STPG4: variants seen among roughly 807,000 people sequenced by gnomAD.
STPG4 encodes the protein sperm-tail PG-rich repeat containing 4, also known as protein STPG4.
In STPG4, 41 loss-of-function variants were observed where a neutral mutation model predicts 31.5. The ratio of observed to expected loss-of-function variants is 1.30; its 90% confidence interval spans 1.01 to 1.69. The LOEUF is 1.69. Ranked by LOEUF, STPG4 falls within the 40% of genes most tolerant of loss-of-function variation. The pLI is 0.00. For synonymous variants in STPG4, 141 were observed against 103.0 expected (o/e 1.37, Z -2.24); for missense variants, 375 against 293.4 (o/e 1.28, Z -2.03).
At position 47,122,801 on chromosome 2, in the gene STPG4, T is replaced by TTTG. The variant is rs1553426773; in HGVS notation, c.519+7139_519+7140insCAA. ...AACAATTTTATATTTTATTTCTGTT[T>TTTG]TTTGTTTGTTTGTCTGTTTGTTTTG... On this transcript the variant is annotated intron_variant, in intron 5 of 6. Transcript: ENST00000445927. 5.3e-5 allele frequency among the ~76,000 whole-genome samples: 8 copies of TTTG among 151,724 alleles called. 1 individual carries two copies. The highest frequency in any genetic ancestry group is 1.7e-4 in the African/African-American group (7 of 41,228).
intron 3 of STPG4, among the ~76,000 whole-genome samples, chr2:47,138,696 C>T (rs192299773): frequency 2.6e-5 from 4 of 152,258 alleles, no homozygotes; most frequent in East Asian, 1.9e-4. Context: ...ATTACAGGAA[C>T]GTGCCACCAC....
At chr2:47,102,432 C>G (rs116068264) in intron 5 of STPG4, among the ~76,000 whole-genome samples, 3,525 of 151,910 alleles carry the variant, frequency 0.023, 83 homozygotes, top group Non-Finnish European at 0.038. Flanking sequence ...AGTATTCTCT[C>G]TCTGATGGGG....
intron 3 of STPG4, among the ~76,000 whole-genome samples, chr2:47,131,639 G>A (rs774028012): frequency 1.4e-4 from 21 of 152,302 alleles, no homozygotes; most frequent in Middle Eastern, 3.4e-3. Flanking sequence ...ATGGGGGTAG[G>A]AAGAGATTAA....
intron 5 of STPG4, among the ~76,000 whole-genome samples, chr2:47,115,864 G>A (rs887854359): frequency 6.6e-6 from 1 of 152,086 alleles, no homozygotes; most frequent in Non-Finnish European, 1.5e-5. Context: ...GTGTTCCCCA[G>A]GCTGGTCTTG....
At chr2:47,101,523 C>T (rs1284766991) in intron 5 of STPG4, among the ~76,000 whole-genome samples, 4 of 151,770 alleles carry the variant, frequency 2.6e-5, no homozygotes, top group Admixed American at 6.6e-5. Flanking sequence ...AGGTTAGTCC[C>T]GCTTCTAAAA....
At chr2:47,130,041 T>C (rs763018338) in intron 4 of STPG4, 46 bp from the exon 5 acceptor site, 2 of 1,488,332 alleles carry the variant, frequency 1.3e-6, no homozygotes, top group Admixed American at 1.9e-5. Flanking sequence ...AAATCTATTT[T>C]TTAAAGATCT....
At chr2:47,092,510 A>G (rs1685588227) in intron 5 of STPG4, among the ~76,000 whole-genome samples, 1 of 143,920 alleles carries the variant, frequency 6.9e-6, no homozygotes, top group African/African-American at 2.6e-5. Context: ...CCTGGGAAAC[A>G]GAATGAGACC....
chr2:47,119,405 A>G (rs1412141261), intron 5 of STPG4, among the ~76,000 whole-genome samples: 1 of 152,234 alleles, frequency 6.6e-6, no homozygotes, highest in Non-Finnish European at 1.5e-5. Flanking sequence ...CATAAAAGCA[A>G]TAGAACAATG....
At chr2:47,126,258 CCTCTTCTTT>C (rs970926704) in intron 5 of STPG4, among the ~76,000 whole-genome samples, 84 of 151,802 alleles carry the variant, frequency 5.5e-4, no homozygotes, top group African/African-American at 1.5e-3. Context: ...TTCTTTCCTT[CCTCTTCTTT>C]CTCTTCTTTC....
intron 5 of STPG4, among the ~76,000 whole-genome samples, chr2:47,097,185 A>C (rs1320035302): frequency 6.6e-6 from 1 of 152,206 alleles, no homozygotes; most frequent in African/African-American, 2.4e-5. Flanking sequence ...TGTTAAGACA[A>C]ATGAGATCAT....
chr2:47,121,712 G>C (rs1686274568), intron 5 of STPG4, among the ~76,000 whole-genome samples: 1 of 152,142 alleles, frequency 6.6e-6, no homozygotes, highest in African/African-American at 2.4e-5. Context: ...TATGTCAGCA[G>C]GGCCATGCTC....
intron 5 of STPG4, among the ~76,000 whole-genome samples, chr2:47,117,945 G>A (rs556775239): frequency 5.8e-4 from 86 of 147,236 alleles, no homozygotes; most frequent in Non-Finnish European, 1.0e-3. Flanking sequence ...TTTTTTAATA[G>A]AGATGAGGTC....
Position 47,151,367 on chromosome 2 carries a change from G to A in STPG4, c.290C>T (p.Pro97Leu), listed in dbSNP as rs570459449. Residue 97 changes from proline to leucine, a missense_variant, in exon 3 of 7, where the codon CCG (proline) becomes CTG (leucine). Coordinates refer to ENST00000445927, the MANE Select transcript of STPG4 (RefSeq NM_001163561.2). Reference protein sequence around the residue: ...QRNNPVLNDLPQYMPPDFLDL... With the variant: ...QRNNPVLNDLLQYMPPDFLDL... ...CAGGAAGTCAGGAGGCATATACTGCGGAAGATCATTTAGGACTGGATTGTT... is the reference window on the plus strand; with the variant it reads ...CAGGAAGTCAGGAGGCATATACTGCAGAAGATCATTTAGGACTGGATTGTT... The A allele has an allele frequency of 2.5e-5, 40 of 1,614,144 alleles. No homozygotes were observed. The highest frequency in any genetic ancestry group is 3.1e-5 in the Non-Finnish European group (37 of 1,180,030).
At chr2:47,111,297 A>G (rs1228246429) in intron 5 of STPG4, among the ~76,000 whole-genome samples, 1 of 152,206 alleles carries the variant, frequency 6.6e-6, no homozygotes, top group African/African-American at 2.4e-5. Flanking sequence ...AGTAGTCATC[A>G]AAAAGTAGCC....
Position 47,155,243 on chromosome 2 carries a change from C to G in STPG4, c.9G>C (p.Gln3His), listed in dbSNP as rs754579355. The change falls in exon 1 of 7, where the codon CAG becomes CAC. Residue 3 changes from glutamine (Q) to histidine (H), a missense_variant. Physicochemically the swap from Gln to His is conservative, Grantham distance 24 (BLOSUM62 0). Transcript: ENST00000445927. MD[Q>H]PAVATASTSI... ...AGGTGGAAGCGGTGGCGACGGCTGG[C>G]TGGTCCATGGTGGCCTCCTCTCTCT... 1.9e-6 allele frequency: 3 copies of G among 1,614,100 alleles called. No homozygotes were observed. In the South Asian group the frequency reaches 3.3e-5, roughly 18 times the overall value.
intron 5 of STPG4, among the ~76,000 whole-genome samples, chr2:47,114,746 C>T (rs776516229): frequency 2.6e-5 from 4 of 152,022 alleles, no homozygotes; most frequent in Non-Finnish European, 5.9e-5. Flanking sequence ...CATTCTTAAA[C>T]GATCATCCAA....
intron 3 of STPG4, among the ~76,000 whole-genome samples, chr2:47,133,233 C>G (rs1206305427): frequency 6.6e-6 from 1 of 151,608 alleles, no homozygotes; most frequent in Non-Finnish European, 1.5e-5. Context: ...AGTGGCGCAA[C>G]CATAGCTCAC....
chr2:47,125,083 C>T (rs1040645063), intron 5 of STPG4, among the ~76,000 whole-genome samples: 1 of 152,148 alleles, frequency 6.6e-6, no homozygotes, highest in Non-Finnish European at 1.5e-5. Flanking sequence ...TGAGAAATGT[C>T]TATTCAGATC....
intron 5 of STPG4, among the ~76,000 whole-genome samples, chr2:47,125,796 G>A (rs1487193061): frequency 6.6e-6 from 1 of 151,676 alleles, no homozygotes; most frequent in Non-Finnish European, 1.5e-5. Flanking sequence ...TGGGCTCAAG[G>A]GATCCTCCTG....
Sources: allele counts gnomAD v4.1 joint callset (sites outside exome capture counted in the v4.1 genomes callset), GRCh38; gene constraint gnomAD v4.1.1; transcripts MANE v1.5; gene names NCBI Gene and HGNC (gene_info 2026-07-23, HGNC 2026-07-21).